OSBPL9: variants seen among roughly 807,000 people sequenced by gnomAD.
OSBPL9 encodes the protein oxysterol binding protein like 9.
Under a neutral mutation model 106.6 loss-of-function variants are expected in OSBPL9, and 40 were observed. The observed-to-expected ratio is 0.38, with a 90% CI of 0.29 to 0.49. OSBPL9 has a LOEUF of 0.49. Among genes scored for constraint, OSBPL9 ranks in the 20% least tolerant of loss-of-function variants. OSBPL9 has a pLI of 0.97. For missense variants in OSBPL9, 609 were observed against 887.2 expected, an observed-to-expected ratio of 0.69 and a Z score of 3.98; for synonymous variants, 269 against 295.4, an observed-to-expected ratio of 0.91 and a Z score of 0.92.
At chr1:51,591,370 C>T (rs914214388) in intron 1 of OSBPL9, among the ~76,000 whole-genome samples, 5 of 152,176 alleles carry the variant, frequency 3.3e-5, no homozygotes, top group African/African-American at 1.2e-4. Context: ...CCACCCCTGC[C>T]CACTCTTTAA....
chr1:51,597,465 ACACACACACACAAAGGATAGATTG>A (rs1645306142), intron 1 of OSBPL9, among the ~76,000 whole-genome samples: 1 of 149,922 alleles, frequency 6.7e-6, no homozygotes, highest in Admixed American at 6.7e-5. Context: ...GTGTGTATAT[ACACACACACACAAAGGATAGATTG>A]TATATATATA....
the OSBPL9 span, among the ~76,000 whole-genome samples, chr1:51,524,029 C>T: frequency 6.6e-6 from 1 of 152,182 alleles, no homozygotes; most frequent in African/African-American, 2.4e-5. Context: ...TGGTGCTAAA[C>T]TGTATTTTAA....
chr1:51,650,823 C>CTA (rs1329332923), intron 1 of OSBPL9, among the ~76,000 whole-genome samples: 1 of 152,148 alleles, frequency 6.6e-6, no homozygotes, highest in Non-Finnish European at 1.5e-5. Context: ...TTGCACATGA[C>CTA]TAATTTACTC....
At chr1:51,717,600 G>A (rs58906181) in intron 4 of OSBPL9, among the ~76,000 whole-genome samples, 18,891 of 151,726 alleles carry the variant, frequency 0.12, 1,294 homozygotes, top group Middle Eastern at 0.22. Context: ...ATGAAAAGGT[G>A]CCTAACATCA....
chr1:51,720,749 G>A (rs1661952665), intron 4 of OSBPL9, among the ~76,000 whole-genome samples: 1 of 151,224 alleles, frequency 6.6e-6, no homozygotes. Context: ...GGTTTTTGTG[G>A]CTACTTCATG....
intron 1 of OSBPL9, among the ~76,000 whole-genome samples, chr1:51,626,883 G>A (rs756836884): frequency 4.6e-5 from 7 of 152,054 alleles, no homozygotes; most frequent in African/African-American, 1.7e-4. Context: ...TTTTGGTGTC[G>A]TATCTGAGAA....
At chr1:51,694,546 A>G (rs1571129353) in intron 3 of OSBPL9, among the ~76,000 whole-genome samples, 1 of 152,352 alleles carries the variant, frequency 6.6e-6, no homozygotes, top group East Asian at 1.9e-4. Flanking sequence ...GAAATCTGAA[A>G]TTGTATTAAT....
intron 1 of OSBPL9, among the ~76,000 whole-genome samples, chr1:51,587,226 G>T (rs970544854): frequency 6.6e-6 from 1 of 152,196 alleles, no homozygotes; most frequent in Admixed American, 6.5e-5. Flanking sequence ...TTAGCTAGGC[G>T]TGGTGGCATG....
chr1:51,549,734 G>A, the OSBPL9 span, among the ~76,000 whole-genome samples: 1 of 152,352 alleles, frequency 6.6e-6, no homozygotes, highest in African/African-American at 2.4e-5. Context: ...TCGGGAGGCT[G>A]AGGCAGGAGG....
chr1:51,706,619 C>T (rs1658593927), intron 3 of OSBPL9, among the ~76,000 whole-genome samples: 1 of 151,124 alleles, frequency 6.6e-6, no homozygotes, highest in Admixed American at 6.6e-5. Context: ...CTTTTCTACT[C>T]ATTTTGAACT....
the OSBPL9 span, among the ~76,000 whole-genome samples, chr1:51,538,233 A>C: frequency 4.6e-5 from 7 of 152,156 alleles, no homozygotes; most frequent in Non-Finnish European, 8.8e-5. Context: ...CAGAGGTTGC[A>C]GTGAGCCAAG....
chr1:51,739,401 G>A (rs1264343715), intron 4 of OSBPL9, among the ~76,000 whole-genome samples: 3 of 151,892 alleles, frequency 2.0e-5, no homozygotes, highest in Non-Finnish European at 4.4e-5. Context: ...TATACATTGT[G>A]CATCCATGAT....
rs1678405524 is a variant in OSBPL9, at chr1:51,789,098, A to AAAAGT, written c.*1313_*1317dup. 1 of 828,738 alleles carries AAAAGT rather than the reference A, an allele frequency of 1.2e-6. No homozygotes were observed. Among genetic ancestry groups the AAAAGT allele is most frequent in the Admixed American group, 2.2e-5 (1 of 44,896 alleles). The allele number at this position is 828,738 out of a possible 1,614,324, so 51.3% of individuals were successfully genotyped here. ...GGTTTATTAGTCTCAACAAAGGATAAAAAGTAAATCAAATGCTATGATGCC... is the reference window on the plus strand; with the variant it reads ...GGTTTATTAGTCTCAACAAAGGATAAAAAGTAAAGTAAATCAAATGCTATGATGCC... On this transcript the variant is annotated 3_prime_UTR_variant, in exon 24 of 24. Coordinates refer to ENST00000428468, the MANE Select transcript of OSBPL9 (RefSeq NM_024586.6).
chr1:51,624,116 C>T (rs896337516), intron 1 of OSBPL9, among the ~76,000 whole-genome samples: 2 of 151,820 alleles, frequency 1.3e-5, no homozygotes, highest in Admixed American at 1.3e-4. Flanking sequence ...GAGGTTTCAC[C>T]ATGTTGACCA....
chr1:51,740,317 A>G (rs567411652), intron 4 of OSBPL9: 8 of 1,263,976 alleles, frequency 6.3e-6, no homozygotes, highest in East Asian at 6.0e-5. Flanking sequence ...AAACTTTCCA[A>G]TATTCTCATA....
chr1:51,632,187 A>G (rs1188832752), intron 1 of OSBPL9, among the ~76,000 whole-genome samples: 1 of 152,202 alleles, frequency 6.6e-6, no homozygotes, highest in East Asian at 1.9e-4. Context: ...AAGGTAATGT[A>G]CTTATTATCA....
chr1:51,771,121 G>T (rs140425635), intron 12 of OSBPL9, among the ~76,000 whole-genome samples: 1 of 152,208 alleles, frequency 6.6e-6, no homozygotes, highest in East Asian at 1.9e-4. Context: ...ACCTAAAACT[G>T]CTCTAAAAAT....
intron 4 of OSBPL9, chr1:51,740,003 C>A: frequency 2.3e-6 from 2 of 861,002 alleles, no homozygotes; most frequent in Non-Finnish European, 1.7e-6. Flanking sequence ...TTTTTTTTAA[C>A]TTGCCACTTG....
intron 2 of OSBPL9, among the ~76,000 whole-genome samples, chr1:51,602,831 C>T (rs914927831): frequency 6.6e-6 from 1 of 152,010 alleles, no homozygotes; most frequent in African/African-American, 2.4e-5. Context: ...AGTGGGTGCT[C>T]AAAATATGTT....
Sources: allele counts gnomAD v4.1 joint callset (sites outside exome capture counted in the v4.1 genomes callset), GRCh38; gene constraint gnomAD v4.1.1; transcripts MANE v1.5; gene names NCBI Gene and HGNC (gene_info 2026-07-23, HGNC 2026-07-21).